The following CSMD3 variants were observed in gnomAD, a reference collection of about 807,000 sequenced individuals.
CSMD3 encodes CUB and Sushi multiple domains 3.
Under a neutral mutation model 435.2 loss-of-function variants are expected in CSMD3, and 177 were observed. The ratio of observed to expected loss-of-function variants is 0.41; its 90% CI spans 0.36 to 0.46. The LOEUF is 0.46. Ranked by LOEUF, CSMD3 falls within the 20% of genes least tolerant of loss-of-function variation. CSMD3 has a pLI of 0.34. For synonymous variants in CSMD3, 1,656 were observed against 1,520.5 expected (o/e 1.09, Z -2.07); for missense variants, 4,265 against 4,504.6 (o/e 0.95, Z 1.52).
chr8:112,975,459 T>TA (rs1247912208), intron 7 of CSMD3, among the ~76,000 whole-genome samples: 1 of 152,146 alleles, frequency 6.6e-6, no homozygotes, highest in East Asian at 1.9e-4. Context: ...CATCTATGTG[T>TA]AAATATATGC....
At chr8:112,442,706 T>C (rs943613572) in intron 32 of CSMD3, among the ~76,000 whole-genome samples, 1 of 152,194 alleles carries the variant, frequency 6.6e-6, no homozygotes, top group African/African-American at 2.4e-5. Context: ...CGTGTTTCTC[T>C]GACTCAGCTC....
intron 4 of CSMD3, among the ~76,000 whole-genome samples, chr8:113,113,190 T>C (rs2090715387): frequency 1.3e-5 from 2 of 152,206 alleles, no homozygotes; most frequent in South Asian, 4.1e-4. Context: ...CTAAGAATTA[T>C]GAATATTTTG....
chr8:112,766,415 TTTC>T (rs1335183512), intron 13 of CSMD3, among the ~76,000 whole-genome samples: 1 of 151,754 alleles, frequency 6.6e-6, no homozygotes, highest in Non-Finnish European at 1.5e-5. Flanking sequence ...TTGCTGTGTC[TTTC>T]TTTATTTTTA....
chr8:112,286,714 A>G (rs1489013475), intron 58 of CSMD3, among the ~76,000 whole-genome samples: 1 of 152,128 alleles, frequency 6.6e-6, no homozygotes, highest in Non-Finnish European at 1.5e-5. Context: ...CTGCGTTTTC[A>G]GGCTCCCACT....
intron 61 of CSMD3, among the ~76,000 whole-genome samples, chr8:112,262,191 G>A (rs1586577875): frequency 6.6e-6 from 1 of 152,130 alleles, no homozygotes; most frequent in African/African-American, 2.4e-5. Context: ...GTGTGTGTAT[G>A]TGTGTGAACT....
intron 1 of CSMD3, among the ~76,000 whole-genome samples, chr8:113,395,539 G>A (rs1439897132): frequency 6.6e-6 from 1 of 150,880 alleles, no homozygotes; most frequent in East Asian, 1.9e-4. Context: ...AACCCGGGAG[G>A]CGGAGCTTGC....
intron 24 of CSMD3, among the ~76,000 whole-genome samples, chr8:112,559,944 GA>G (rs947791137): frequency 6.1e-4 from 92 of 151,266 alleles, no homozygotes; most frequent in African/African-American, 2.1e-3. Flanking sequence ...AAATGCTGGA[GA>G]AAAAAAACTT....
chr8:112,865,832 G>C (rs952061692), intron 10 of CSMD3, among the ~76,000 whole-genome samples: 1 of 151,948 alleles, frequency 6.6e-6, no homozygotes, highest in African/African-American at 2.4e-5. Context: ...AATTGTGCCT[G>C]CCACATGGAA....
intron 32 of CSMD3, among the ~76,000 whole-genome samples, chr8:112,439,074 T>C (rs376237434): frequency 1.7e-4 from 26 of 152,350 alleles, no homozygotes; most frequent in Admixed American, 1.5e-3. Context: ...AGATATATTA[T>C]GATAATAACA....
chr8:112,622,391 T>C (rs1021601281), intron 22 of CSMD3, among the ~76,000 whole-genome samples: 2 of 152,166 alleles, frequency 1.3e-5, no homozygotes, highest in Non-Finnish European at 2.9e-5. Context: ...TATAAGTGAC[T>C]GAAAGATGTT....
intron 2 of CSMD3, chr8:113,309,828 C>T (rs1416484104): frequency 6.6e-6 from 1 of 152,174 alleles, no homozygotes; most frequent in East Asian, 1.9e-4. Context: ...TTTTCCACAA[C>T]TGAGGTTGAA....
chr8:112,324,022 A>G (rs575918220), intron 45 of CSMD3, among the ~76,000 whole-genome samples: 114 of 152,228 alleles, frequency 7.5e-4, no homozygotes, highest in African/African-American at 2.6e-3. Flanking sequence ...TTATAGATAA[A>G]TAAACCTCAT....
chr8:112,717,729 G>A (rs1240614051), intron 13 of CSMD3, among the ~76,000 whole-genome samples: 2 of 152,090 alleles, frequency 1.3e-5, no homozygotes, highest in Admixed American at 6.6e-5. Flanking sequence ...ATACTATGCA[G>A]CTATAAAAAG....
chr8:112,934,025 C>T (rs535850470), intron 9 of CSMD3, among the ~76,000 whole-genome samples: 4 of 152,112 alleles, frequency 2.6e-5, no homozygotes, highest in East Asian at 1.9e-4. Context: ...ACATCATATT[C>T]GTCCTTTTAT....
chr8:112,870,197 T>A (rs2081092409), intron 10 of CSMD3, among the ~76,000 whole-genome samples: 2 of 151,086 alleles, frequency 1.3e-5, no homozygotes, highest in Admixed American at 1.3e-4. Context: ...AAAAAAAAAC[T>A]CAACATCAGT....
chr8:113,041,734 T>C (rs2087626424), intron 5 of CSMD3, among the ~76,000 whole-genome samples: 1 of 152,232 alleles, frequency 6.6e-6, no homozygotes. Flanking sequence ...TGTTTCATTG[T>C]GATTTTCCAA....
chr8:113,381,543 C>A (rs1477564362), intron 1 of CSMD3, among the ~76,000 whole-genome samples: 1 of 152,202 alleles, frequency 6.6e-6, no homozygotes, highest in East Asian at 1.9e-4. Flanking sequence ...AAGAAAAAAA[C>A]CTCATTTTAA....
chr8:113,052,029 T>A (rs1365013594), intron 5 of CSMD3, among the ~76,000 whole-genome samples: 1 of 152,238 alleles, frequency 6.6e-6, no homozygotes, highest in East Asian at 1.9e-4. Flanking sequence ...TTGGATATTT[T>A]GACTTTGAAA....
At chr8:112,927,050 G>A (rs2082934079) in intron 9 of CSMD3, among the ~76,000 whole-genome samples, 3 of 151,942 alleles carry the variant, frequency 2.0e-5, no homozygotes, top group South Asian at 4.1e-4. Flanking sequence ...AACACTAAAC[G>A]TCAAGAAAAT....
Sources: allele counts gnomAD v4.1 joint callset (sites outside exome capture counted in the v4.1 genomes callset), GRCh38; gene constraint gnomAD v4.1.1; transcripts MANE v1.5; gene names NCBI Gene and HGNC (gene_info 2026-07-23, HGNC 2026-07-21).